DDX23: variants seen among roughly 807,000 people sequenced by gnomAD.
The protein encoded by DDX23 is DEAD-box helicase 23.
A neutral mutation model predicts 102.7 loss-of-function variants in DDX23; 33 were observed. The ratio of observed to expected loss-of-function variants is 0.32; its 90% CI spans 0.24 to 0.43. The LOEUF is 0.43. Ranked by LOEUF, DDX23 falls within the 20% of genes least tolerant of loss-of-function variation. The pLI is 1.00. For synonymous variants in DDX23, 352 were observed against 376.0 expected (o/e 0.94, Z 0.74); for missense variants, 549 against 1,086.6 (o/e 0.51, Z 6.96).
At chr12:48,848,946 G>T (rs1938714073) in intron 1 of DDX23, among the ~76,000 whole-genome samples, 1 of 151,964 alleles carries the variant, frequency 6.6e-6, no homozygotes, top group Admixed American at 6.6e-5. Flanking sequence ...TAGAGGCGGG[G>T]TTTCACCATG....
chr12:48,835,814 C>T (rs1938461376), intron 11 of DDX23, among the ~76,000 whole-genome samples: 1 of 152,190 alleles, frequency 6.6e-6, no homozygotes, highest in African/African-American at 2.4e-5. Flanking sequence ...TCACCTGAAC[C>T]TGGGAGGCAA....
In DDX23 at chr12:48,832,114, G is replaced by A. The variant is rs1237929942; in HGVS notation, c.2028C>T (p.Gly676=). The change falls in exon 15 of 17, where the codon GGC becomes GGT. Residue 676 remains glycine (G), a synonymous_variant. Coordinates refer to ENST00000308025, the MANE Select transcript of DDX23 (RefSeq NM_004818.3). The surrounding 1 kb of genome is among the most constrained non-coding windows in gnomAD (Gnocchi z 4.4). The part of the protein sequence containing the change: ...PIIIFVNQKK[G]CDVLAKSLEK... ...CCAGGGATTTGGCCAACACGTCGCAGCCCTTCTTCTGGTTGACAAAAATAA... is the reference window on the plus strand; with the variant it reads ...CCAGGGATTTGGCCAACACGTCGCAACCCTTCTTCTGGTTGACAAAAATAA... 6.2e-6 allele frequency: 10 copies of A among 1,613,826 alleles called. No individual in the cohort carries two copies. The highest frequency in any genetic ancestry group is 8.5e-6 in the Non-Finnish European group (10 of 1,180,014).
rs1938353917 is a variant in DDX23, at chr12:48,829,874, C to T, written c.*595G>A. ...GGACACAGCCAGTTCACCGTGTCCC[C>T]CCATCTACTTAGAAAATCCCCTGGG... On this transcript the variant is annotated 3_prime_UTR_variant, in exon 17 of 17. Coordinates refer to ENST00000308025, the MANE Select transcript of DDX23 (RefSeq NM_004818.3). The T allele has an allele frequency of 7.8e-6, 2 of 254,890 alleles. No individual in the cohort carries two copies. Among genetic ancestry groups the T allele is most frequent in the South Asian group, 9.6e-5 (2 of 20,830 alleles). 15.8% of individuals were successfully genotyped at this position (254,890 alleles called of 1,614,324 possible).
At chr12:48,846,540 TA>T in intron 1 of DDX23, among the ~76,000 whole-genome samples, 1 of 152,346 alleles carries the variant, frequency 6.6e-6, no homozygotes, top group Middle Eastern at 3.4e-3. Context: ...GATTACGTTA[TA>T]ATTAGCACCA....
intron 3 of DDX23, among the ~76,000 whole-genome samples, chr12:48,840,592 G>A (rs1938534512): frequency 2.1e-5 from 3 of 146,160 alleles, no homozygotes; most frequent in Admixed American, 7.0e-5. Context: ...TCACTCTGTC[G>A]CCCAGGCTGG....
intron 8 of DDX23, 51 bp from the exon 9 acceptor site, chr12:48,837,088 AG>A: frequency 6.2e-7 from 1 of 1,610,348 alleles, no homozygotes; most frequent in Non-Finnish European, 8.5e-7. Context: ...TAACGGCAGT[AG>A]GAAGGAAGGG....
At chr12:48,842,298 G>A (rs1240990836) in intron 3 of DDX23, among the ~76,000 whole-genome samples, 1 of 142,444 alleles carries the variant, frequency 7.0e-6, no homozygotes, top group Non-Finnish European at 1.5e-5. Context: ...GGCCCGGCCA[G>A]CCGCCCTGTC....
In DDX23 at chr12:48,830,814, C is replaced by T; in HGVS notation, c.2240-122G>A. The T allele has an allele frequency of 9.4e-7, 1 of 1,061,540 alleles. No individual in the cohort carries two copies. Among genetic ancestry groups the T allele is most frequent in the Non-Finnish European group, 1.3e-6 (1 of 745,270 alleles). The allele number at this position is 1,061,540 out of a possible 1,614,324, so 65.8% of individuals were successfully genotyped here. ...TCCAAAGGCAGGAATACAGCACATG[C>T]TGCCTGAACCTGAGGCGCCCACAGT... On this transcript the variant is annotated intron_variant, in intron 16 of 16. Coordinates refer to ENST00000308025, the MANE Select transcript of DDX23 (RefSeq NM_004818.3). The surrounding 1 kb of genome is among the most constrained non-coding windows in gnomAD (Gnocchi z 4.9).
intron 1 of DDX23, chr12:48,847,354 A>G (rs1464204293): frequency 6.6e-6 from 1 of 152,146 alleles, no homozygotes; most frequent in East Asian, 1.9e-4. Context: ...ATCTCTACTA[A>G]AAATACAAAA....
intron 11 of DDX23, among the ~76,000 whole-genome samples, chr12:48,835,763 G>A (rs573284773): frequency 2.0e-4 from 30 of 152,056 alleles, no homozygotes; most frequent in Admixed American, 1.0e-3. Flanking sequence ...GGTGGCACAC[G>A]CCTGTAATCC....
chr12:48,838,844 C>T (rs568864053), intron 5 of DDX23, among the ~76,000 whole-genome samples: 18 of 152,202 alleles, frequency 1.2e-4, no homozygotes, highest in African/African-American at 4.3e-4. Flanking sequence ...CGGGGCGAGA[C>T]TCCATCTCAA....
rs772223320 is a variant in DDX23, at chr12:48,845,677, G to A, written c.106C>T (p.Arg36Trp). Residue 36 changes from arginine (R) to tryptophan (W), a missense_variant, in exon 2 of 17, where the codon CGG (arginine) becomes TGG (tryptophan). Coordinates refer to ENST00000308025, the MANE Select transcript of DDX23 (RefSeq NM_004818.3). ...PDRERDRDRDRKSSPSKDRKR... is the reference protein window; with the variant it reads ...PDRERDRDRDWKSSPSKDRKR... ...CTATCTTTAGATGGGGAAGACTTCCGGTCCCGGTCTCTATCCCGCTCTCTG... is the reference window on the plus strand; with the variant it reads ...CTATCTTTAGATGGGGAAGACTTCCAGTCCCGGTCTCTATCCCGCTCTCTG... 163 of 1,614,072 alleles carry A rather than the reference G, an allele frequency of 1.0e-4. No individual in the cohort carries two copies. The highest frequency in any genetic ancestry group is 1.3e-4 in the Non-Finnish European group (157 of 1,180,042).
chr12:48,837,933 A>G lies in DDX23; in HGVS notation c.619+9T>C, dbSNP rs775830054. On this transcript the variant is annotated intron_variant, in intron 6 of 16. Coordinates refer to ENST00000308025, the MANE Select transcript of DDX23 (RefSeq NM_004818.3). ...CCATCTAGGGGCTACACAGGGTAGA[A>G]TAACAAACCCAACATCTTCCTGCCC... 2 of 1,612,410 alleles carry G rather than the reference A, an allele frequency of 1.2e-6. No individual in the cohort carries two copies. The highest frequency in any genetic ancestry group is 2.2e-5 in the East Asian group (1 of 44,886).
chr12:48,841,715 G>A (rs1201790245), intron 3 of DDX23, among the ~76,000 whole-genome samples: 23 of 152,212 alleles, frequency 1.5e-4, no homozygotes, highest in African/African-American at 4.8e-4. Flanking sequence ...CGCCAGCCTC[G>A]GCCTCCCGAG....
chr12:48,840,368 A>G (rs1035908187), intron 3 of DDX23, among the ~76,000 whole-genome samples: 13 of 151,978 alleles, frequency 8.6e-5, no homozygotes, highest in Non-Finnish European at 1.9e-4. Flanking sequence ...TTTACTACTG[A>G]TGTCAAAAAT....
At chr12:48,843,876 A>T (rs2137493177) in intron 3 of DDX23, 64 bp downstream of exon 3, 2 of 1,559,326 alleles carry the variant, frequency 1.3e-6, no homozygotes, top group South Asian at 2.2e-5. Flanking sequence ...GAAGCTGAGC[A>T]AACTCAGGTG....
At chr12:48,839,244 T>C (rs1656281665) in intron 5 of DDX23, among the ~76,000 whole-genome samples, 1 of 151,606 alleles carries the variant, frequency 6.6e-6, no homozygotes, top group African/African-American at 2.4e-5. Flanking sequence ...ACAGGACATG[T>C]AAAGAGGTGA....
intron 1 of DDX23, among the ~76,000 whole-genome samples, chr12:48,851,578 G>T (rs79020083): frequency 6.6e-6 from 1 of 152,220 alleles, no homozygotes; most frequent in Non-Finnish European, 1.5e-5. Flanking sequence ...GTTCAAAGGC[G>T]TTTCCTTTCA....
Position 48,838,627 on chromosome 12 carries a change from G to A in DDX23, c.481-547C>T, listed in dbSNP as rs539966025. On this transcript the variant is annotated intron_variant, in intron 5 of 16. Coordinates refer to ENST00000308025, the MANE Select transcript of DDX23 (RefSeq NM_004818.3). Reference sequence around the variant, plus strand: ...AGCACTTTGGGAGGCCGAGATGGGCGGATCACGAGGTCAGGAGTTCAAGAC... The same window carrying A: ...AGCACTTTGGGAGGCCGAGATGGGCAGATCACGAGGTCAGGAGTTCAAGAC... 7.2e-5 allele frequency among the ~76,000 whole-genome samples: 11 copies of A among 151,800 alleles called. No homozygotes were observed. In the East Asian group the frequency reaches 1.9e-3, roughly 27 times the overall value.
Sources: gnomAD v4.1 joint callset for allele counts (sites outside exome capture counted in the v4.1 genomes callset) on GRCh38, gnomAD v4.1.1 for gene constraint, Gnocchi (gnomAD v3.1) non-coding constraint, MANE v1.5 for transcripts, NCBI Gene and HGNC (gene_info 2026-07-23, HGNC 2026-07-21) for gene names.